The following MAN2A2 variants were observed in gnomAD, a reference collection of about 807,000 sequenced individuals.
The protein encoded by MAN2A2 is mannosidase alpha class 2A member 2.
MAN2A2 carries 79 observed loss-of-function variants against 126.8 expected under a neutral mutation model. The ratio of observed to expected loss-of-function variants is 0.62; its 90% CI spans 0.52 to 0.75. The LOEUF (loss-of-function observed/expected upper bound fraction) is 0.75. Among genes scored for constraint, MAN2A2 ranks in the 30% least tolerant of loss-of-function variants. MAN2A2 has a pLI of 0.00. For missense variants in MAN2A2, 1,392 were observed against 1,522.4 expected, an observed-to-expected ratio of 0.91 and a Z score of 1.43; for synonymous variants, 671 against 618.7, an observed-to-expected ratio of 1.08 and a Z score of -1.25.
chr15:90,910,323 G>A (rs1978113), intron 10 of MAN2A2, 31 bp downstream of exon 10: 1 of 1,611,074 alleles, frequency 6.2e-7, no homozygotes. Context: ...CCAGGCTGGA[G>A]GGGGAGAGTC....
chr15:90,914,559 G>A (rs1177025511), intron 19 of MAN2A2, among the ~76,000 whole-genome samples: 2 of 151,542 alleles, frequency 1.3e-5, no homozygotes, highest in East Asian at 3.9e-4. Flanking sequence ...TCACTCTTTC[G>A]CCCAGGCTGG....
At chr15:90,917,926 T>G (rs1596181478) in intron 20 of MAN2A2, 1 of 421,692 alleles carries the variant, frequency 2.4e-6, no homozygotes, top group South Asian at 3.4e-5. Flanking sequence ...TGGGAGTGGG[T>G]TGCTCATGAT....
rs1482013835 is a variant in MAN2A2, at chr15:90,919,950, G to A, written c.*163G>A. ...TGTTTATTGCTGCTGCTGTGTTTTCGGCGCAACCCACAAACCCAGTGATGG... is the reference window on the plus strand; with the variant it reads ...TGTTTATTGCTGCTGCTGTGTTTTCAGCGCAACCCACAAACCCAGTGATGG... On this transcript the variant is annotated 3_prime_UTR_variant, in exon 23 of 23. Transcript: ENST00000559717. The A allele has an allele frequency of 2.1e-5, 17 of 825,852 alleles. No individual in the cohort carries two copies. Among genetic ancestry groups the A allele is most frequent in the Non-Finnish European group, 3.0e-5 (16 of 538,816 alleles). 51.2% of individuals were successfully genotyped at this position (825,852 alleles called of 1,614,324 possible).
Position 90,913,394 on chromosome 15 carries a change from CA to C in MAN2A2, c.2708del (p.Asn903MetfsTer11). 1 of 1,589,950 alleles carries C rather than the reference CA, an allele frequency of 6.3e-7. No individual in the cohort carries two copies. Among genetic ancestry groups the C allele is most frequent in the Non-Finnish European group, 8.6e-7 (1 of 1,158,162 alleles). On this transcript the variant is annotated frameshift_variant, in exon 18 of 23. Transcript: ENST00000559717. LOFTEE classifies it high-confidence loss of function. ...DSQGIFFTDL[N>X]GFQVQPRRYL... ...GCCAGGGTATCTTCTTCACAGACCT[CA>C]ATGGCTTTCAGGTGACTCCTGGGCC...
intron 5 of MAN2A2, among the ~76,000 whole-genome samples, 169 bp downstream of exon 5, chr15:90,906,185 A>C (rs2034267497): frequency 6.6e-6 from 1 of 152,200 alleles, no homozygotes; most frequent in Non-Finnish European, 1.5e-5. Context: ...AGGTTCCGAG[A>C]TAAGCGGGGC....
At chr15:90,914,114 AG>A (rs2034989932) in intron 19 of MAN2A2, among the ~76,000 whole-genome samples, 1 of 152,268 alleles carries the variant, frequency 6.6e-6, no homozygotes, top group Non-Finnish European at 1.5e-5. Flanking sequence ...CCAAGGCAGA[AG>A]GCCAGGAGTT....
In MAN2A2 at chr15:90,904,317, A is replaced by G. The variant is rs748128678; in HGVS notation, c.110A>G (p.Gln37Arg). 1 of 1,614,098 alleles carries G rather than the reference A, an allele frequency of 6.2e-7. No homozygotes were observed. Among genetic ancestry groups the G allele is most frequent in the African/African-American group, 1.3e-5 (1 of 75,048 alleles). ...GTGCAACACGATCCCACCCGACACC[A>G]GAATGGTGGGAACTTCCCCCGGGTG... ...DRVQHDPTRHQNGGNFPRSQI... is the reference protein window; with the variant it reads ...DRVQHDPTRHRNGGNFPRSQI... Residue 37 changes from glutamine (Q) to arginine (R), a missense_variant, in exon 2 of 23, where the codon CAG becomes CGG. Gln to Arg is a conservative substitution (Grantham distance 43). Coordinates refer to ENST00000559717, the MANE Select transcript of MAN2A2 (RefSeq NM_006122.4).
Position 90,918,306 on chromosome 15 carries a change from C to T in MAN2A2, c.3107C>T (p.Pro1036Leu). The change falls in exon 21 of 23, where the codon CCT becomes CTT. Residue 1036 changes from proline (P) to leucine (L), a missense_variant. Pro to Leu is a moderately conservative substitution (Grantham distance 98). Transcript: ENST00000559717. ...LPVARMQLPG[P>L]GLRSFHPLAS... is the part of the protein sequence containing the mutation. The stretch of plus-strand genomic sequence containing the variant: ...GTAGCCAGGATGCAGCTCCCAGGCC[C>T]TGGTCTGCGCTCATTTCATCCTCTG... 1 of 1,614,188 alleles carries T rather than the reference C, an allele frequency of 6.2e-7. No homozygotes were observed. The highest frequency in any genetic ancestry group is 1.1e-5 in the South Asian group (1 of 91,086).
chr15:90,907,313 G>A lies in MAN2A2; in HGVS notation c.1014G>A (p.Ser338=), dbSNP rs759624755. 8 of 1,612,868 alleles carry A rather than the reference G, an allele frequency of 5.0e-6. No homozygotes were observed. The African/African-American group carries it at 5.3e-5, about 11-fold the overall frequency. Reference sequence around the variant, plus strand: ...CACGTGGTGTGTCTCCTGCAGACTCGGACTCCAGCACAGACATCTTCTGTC... The same window carrying A: ...CACGTGGTGTGTCTCCTGCAGACTCAGACTCCAGCACAGACATCTTCTGTC... ...LEFMWRQTWD[S]DSSTDIFCHM... The change falls in exon 8 of 23, where the codon TCG becomes TCA. Residue 338 remains serine, a synonymous_variant. Transcript: ENST00000559717.
At position 90,922,402 on chromosome 15, in the gene MAN2A2, A is replaced by G. The variant is rs576005472; in HGVS notation, c.*2615A>G. The G allele has an allele frequency of 1.3e-4, 20 of 152,318 alleles. No homozygotes were observed. The highest frequency in any genetic ancestry group is 4.6e-4 in the African/African-American group (19 of 41,570). 9.4% of individuals were successfully genotyped at this position (152,318 alleles called of 1,614,324 possible). A position where few individuals can be genotyped will look rare whatever the true frequency, so the allele number is the denominator to read the frequency against. ...GGATTATCAATGTGAACTGCTTAGCATGGTGCCTGGTATATACGAGAGCTC... is the reference window on the plus strand; with the variant it reads ...GGATTATCAATGTGAACTGCTTAGCGTGGTGCCTGGTATATACGAGAGCTC... On this transcript the variant is annotated 3_prime_UTR_variant, in exon 23 of 23. Transcript: ENST00000559717.
In MAN2A2 at chr15:90,911,492, C is replaced by T; in HGVS notation, c.2051C>T (p.Ala684Val). The T allele has an allele frequency of 6.2e-7, 1 of 1,614,170 alleles. No individual in the cohort carries two copies. Among genetic ancestry groups the T allele is most frequent in the South Asian group, 1.1e-5 (1 of 91,092 alleles). Residue 684 changes from alanine to valine, a missense_variant, in exon 14 of 23, where the codon GCC becomes GTC. Physicochemically the swap from Ala to Val is moderately conservative, Grantham distance 64. Coordinates refer to ENST00000559717, the MANE Select transcript of MAN2A2 (RefSeq NM_006122.4). ...RVLSEEGQPL[A>V]VQISAHWSSA... ...CTTTCGGAGGAGGGTCAGCCCCTGG[C>T]CGTGCAGATCAGCGCACACTGGAGC...
Position 90,918,280 on chromosome 15 carries a change from T to C in MAN2A2, c.3081T>C (p.Pro1027=), listed in dbSNP as rs556938506. 9.0e-5 allele frequency: 146 copies of C among 1,614,220 alleles called. 2 individuals carry two copies. In the East Asian group the frequency reaches 3.1e-3, roughly 34 times the overall value. The change falls in exon 21 of 23, where the codon CCT becomes CCC. Residue 1027 remains proline, a synonymous_variant. Transcript: ENST00000559717. ...MYLNAPALAL[P]VARMQLPGPG... ...TGAACGCCCCGGCGCTCGCTCTGCC[T>C]GTAGCCAGGATGCAGCTCCCAGGCC...
chr15:90,908,974 A>G (rs877285), intron 8 of MAN2A2, among the ~76,000 whole-genome samples: 54,101 of 152,014 alleles, frequency 0.36, 11,278 homozygotes, highest in East Asian at 0.96. Context: ...ACTTGCCCAC[A>G]GTCACTGAGC....
rs779891488 is a variant in MAN2A2 at position 90,918,403 on chromosome 15, G to C, written c.3189+15G>C. Reference sequence around the variant, plus strand: ...TCCAGGCTGAGGTGAGTGTCCCTCAGCGTGACATGCTGAGAGCAGAGTTCT... The same window carrying C: ...TCCAGGCTGAGGTGAGTGTCCCTCACCGTGACATGCTGAGAGCAGAGTTCT... On this transcript the variant is annotated intron_variant, in intron 21 of 22. Transcript: ENST00000559717. The C allele has an allele frequency of 3.7e-6, 6 of 1,609,672 alleles. No individual in the cohort carries two copies. The African/African-American group carries it at 8.0e-5, about 22-fold the overall frequency.
At position 90,913,753 on chromosome 15, in the gene MAN2A2, A is replaced by G. The variant is rs968842173; in HGVS notation, c.2858A>G (p.Asp953Gly). 1.9e-6 allele frequency: 3 copies of G among 1,591,544 alleles called. No individual in the cohort carries two copies. Among genetic ancestry groups the G allele is most frequent in the Non-Finnish European group, 2.6e-6 (3 of 1,167,980 alleles). Reference sequence around the variant, plus strand: ...GCCCTGGGTGTCTCTAGCCTCAAAGATGGTGAGTAGGGCCCAGGAGTTCTG... The same window carrying G: ...GCCCTGGGTGTCTCTAGCCTCAAAGGTGGTGAGTAGGGCCCAGGAGTTCTG... The part of the protein sequence containing the change: ...AQALGVSSLK[D>G]GQLEVILDRR... Residue 953 changes from aspartate (D) to glycine (G), a missense_variant and splice_region_variant, in exon 19 of 23, where the codon GAT (aspartate) becomes GGT (glycine). By Grantham distance (94) the Asp-to-Gly change is moderately conservative. Transcript: ENST00000559717.
At chr15:90,911,343 G>T in intron 13 of MAN2A2, 42 bp from the exon 14 acceptor site, 1 of 1,613,226 alleles carries the variant, frequency 6.2e-7, no homozygotes, top group Non-Finnish European at 8.5e-7. Context: ...TGCCCTGGTC[G>T]GAAGCAGCAG....
chr15:90,905,913 A>C lies in MAN2A2; in HGVS notation c.604A>C (p.Lys202Gln). The change falls in exon 5 of 23, where the codon AAG (lysine) becomes CAG (glutamine). Residue 202 changes from lysine to glutamine, a missense_variant. Coordinates refer to ENST00000559717, the MANE Select transcript of MAN2A2 (RefSeq NM_006122.4). Reference sequence around the variant, plus strand: ...ACACATCCTCAATAGCATGGTGTCTAAGCTGCAGGAGGACCCCCGGCGGCG... The same window carrying C: ...ACACATCCTCAATAGCATGGTGTCTCAGCTGCAGGAGGACCCCCGGCGGCG... The part of the protein sequence containing the change: ...TQHILNSMVS[K>Q]LQEDPRRRFL... 1 of 1,609,336 alleles carries C rather than the reference A, an allele frequency of 6.2e-7. No homozygotes were observed. Among genetic ancestry groups the C allele is most frequent in the East Asian group, 2.2e-5 (1 of 44,814 alleles).
chr15:90,913,283 G>A lies in MAN2A2; in HGVS notation c.2595G>A (p.Gly865=), dbSNP rs529628611. ...VRLYNLPGVE[G]LSLDISSLVD... ...TGTTCCTGTACCCAGGGGTGGAGGG[G>A]CTGTCTCTGGACATATCATCCCTGG... The change falls in exon 18 of 23, where the codon GGG becomes GGA. Residue 865 remains glycine (G), a synonymous_variant. Coordinates refer to ENST00000559717, the MANE Select transcript of MAN2A2 (RefSeq NM_006122.4). The A allele has an allele frequency of 1.2e-6, 2 of 1,614,008 alleles. No individual in the cohort carries two copies. The highest frequency in any genetic ancestry group is 2.7e-5 in the African/African-American group (2 of 75,030).
intron 2 of MAN2A2, 127 bp from the exon 3 acceptor site, chr15:90,905,124 A>G: frequency 5.0e-6 from 5 of 994,408 alleles, no homozygotes; most frequent in Non-Finnish European, 7.6e-6. Flanking sequence ...CTATCCCTCT[A>G]GGCTCATGGT....
Sources: gnomAD v4.1 joint callset for allele counts (sites outside exome capture counted in the v4.1 genomes callset) on GRCh38, gnomAD v4.1.1 for gene constraint, MANE v1.5 for transcripts, NCBI Gene and HGNC (gene_info 2026-07-23, HGNC 2026-07-21) for gene names.